HELZ: variants seen among roughly 807,000 people sequenced by gnomAD.
HELZ encodes helicase with zinc finger, also known as ATP-dependent RNA helicase with zinc finger domain.
HELZ carries 23 observed loss-of-function variants against 218.2 expected under a neutral mutation model. That is an observed-to-expected ratio of 0.11 (90% CI 0.08 to 0.15). The LOEUF is 0.15. Ranked by LOEUF, HELZ falls within the 10% of genes least tolerant of loss-of-function variation. The pLI is 1.00. For missense variants in HELZ, 1,813 were observed against 2,353.7 expected, an observed-to-expected ratio of 0.77 and a Z score of 4.75; for synonymous variants, 814 against 829.4, an observed-to-expected ratio of 0.98 and a Z score of 0.32.
chr17:67,244,930 G>C, intron 1 of HELZ: 4 of 986,074 alleles, frequency 4.1e-6, no homozygotes, highest in Non-Finnish European at 4.8e-6. Flanking sequence ...AGGGGACTAA[G>C]TAGGGGAAGA....
chr17:67,195,494 T>A (rs775840363), intron 7 of HELZ, 24 bp from the exon 8 acceptor site: 1 of 1,463,560 alleles, frequency 6.8e-7, no homozygotes, highest in Admixed American at 1.7e-5. Context: ...AATGAAAGAA[T>A]TTTTTAAACA....
chr17:67,182,103 T>C (rs1369703914), intron 12 of HELZ, among the ~76,000 whole-genome samples: 1 of 152,166 alleles, frequency 6.6e-6, no homozygotes, highest in East Asian at 1.9e-4. Context: ...ATCCTTGGCA[T>C]GCGTTTTCTT....
chr17:67,201,587 A>T (rs1743868760), intron 6 of HELZ, among the ~76,000 whole-genome samples: 2 of 152,214 alleles, frequency 1.3e-5, no homozygotes, highest in South Asian at 4.1e-4. Context: ...GCCATGATTC[A>T]GGAAGATTCA....
At chr17:67,097,605 G>A (rs1309220596) in intron 31 of HELZ, among the ~76,000 whole-genome samples, 1 of 152,132 alleles carries the variant, frequency 6.6e-6, no homozygotes, top group Non-Finnish European at 1.5e-5. Flanking sequence ...ATACCAGAAC[G>A]AATACAATAT....
chr17:67,088,765 T>C (rs1030602975), intron 31 of HELZ, among the ~76,000 whole-genome samples: 11 of 152,236 alleles, frequency 7.2e-5, no homozygotes, highest in African/African-American at 2.4e-4. Context: ...TTAAAGGCAA[T>C]TGTTTTCAAT....
At chr17:67,192,489 T>A (rs1047360152) in intron 9 of HELZ, among the ~76,000 whole-genome samples, 3 of 152,190 alleles carry the variant, frequency 2.0e-5, no homozygotes, top group Non-Finnish European at 4.4e-5. Context: ...TCATTTTATG[T>A]TTCTTTTCAA....
chr17:67,074,141 AT>A lies in HELZ; in HGVS notation c.*4110del, dbSNP rs1180584458. On this transcript the variant is annotated 3_prime_UTR_variant, in exon 33 of 33. Transcript: ENST00000358691. ...TATACCTTGAGATTCAGGAAGACAT[AT>A]AGCGCGGCAGTAGAAATTAAGGATT... 6.6e-6 allele frequency: 1 copy of A among 152,192 alleles called. No individual in the cohort carries two copies. The highest frequency in any genetic ancestry group is 1.5e-5 in the Non-Finnish European group (1 of 68,016). 9.4% of individuals were successfully genotyped at this position (152,192 alleles called of 1,614,324 possible).
chr17:67,103,261 A>T (rs1000081050), intron 31 of HELZ, among the ~76,000 whole-genome samples: 1 of 152,200 alleles, frequency 6.6e-6, no homozygotes, highest in African/African-American at 2.4e-5. Flanking sequence ...AAAACAATCA[A>T]GAATTAAGCA....
intron 17 of HELZ, 48 bp downstream of exon 17, chr17:67,160,213 G>A: frequency 8.9e-7 from 1 of 1,125,094 alleles, no homozygotes; most frequent in Non-Finnish European, 1.3e-6. Context: ...CTTTTCTTAA[G>A]AATAATAAAG....
chr17:67,098,944 C>T (rs2036836990), intron 31 of HELZ, among the ~76,000 whole-genome samples: 1 of 151,976 alleles, frequency 6.6e-6, no homozygotes, highest in Admixed American at 6.5e-5. Context: ...TCCTTTTTTC[C>T]TCTGCCAGAG....
chr17:67,196,968 C>T (rs551454974), intron 7 of HELZ, among the ~76,000 whole-genome samples: 2 of 152,268 alleles, frequency 1.3e-5, no homozygotes, highest in East Asian at 3.9e-4. Flanking sequence ...CCCTCATTAC[C>T]GCTTGTCTCA....
chr17:67,122,911 C>T, intron 26 of HELZ, 59 bp downstream of exon 26: 2 of 1,280,734 alleles, frequency 1.6e-6, no homozygotes, highest in Non-Finnish European at 2.2e-6. Flanking sequence ...GGATTAGAAC[C>T]ATTTTAGTGA....
At chr17:67,208,332 A>T (rs2040359286) in intron 5 of HELZ, among the ~76,000 whole-genome samples, 1 of 152,172 alleles carries the variant, frequency 6.6e-6, no homozygotes. Flanking sequence ...TCTGTATCTT[A>T]ATTGTATTCG....
chr17:67,075,405 T>C lies in HELZ; in HGVS notation c.*2847A>G, dbSNP rs1404420565. The C allele has an allele frequency of 1.7e-4, 26 of 152,168 alleles. No homozygotes were observed. The highest frequency in any genetic ancestry group is 6.5e-5 in the Admixed American group (1 of 15,276). The allele number at this position is 152,168 out of a possible 1,614,324, so 9.4% of individuals were successfully genotyped here. Reference sequence around the variant, plus strand: ...AATACTTGGTATTATCTGAGAGCTATCATCAAGTTTTCTGGAAAAAAATTT... The same window carrying C: ...AATACTTGGTATTATCTGAGAGCTACCATCAAGTTTTCTGGAAAAAAATTT... On this transcript the variant is annotated 3_prime_UTR_variant, in exon 33 of 33. Coordinates refer to ENST00000358691, the MANE Select transcript of HELZ (RefSeq NM_014877.4).
In HELZ at chr17:67,120,419, T is replaced by C; in HGVS notation, c.3824A>G (p.Glu1275Gly). The C allele has an allele frequency of 6.2e-7, 1 of 1,613,970 alleles. No homozygotes were observed. Among genetic ancestry groups the C allele is most frequent in the South Asian group, 1.1e-5 (1 of 91,078 alleles). Reference protein sequence around the residue: ...QNQHQEKDQHEQNRNGKSDTN... With the variant: ...QNQHQEKDQHGQNRNGKSDTN... ...GTACAACTTACCATTTCGATTTTGC[T>C]CATGTTGATCCTTCTCCTGATGCTG... Residue 1275 changes from glutamate (E) to glycine (G), a missense_variant, in exon 27 of 33, where the codon GAG becomes GGG. Around this residue, in one of 4 missense-constraint regions of HELZ, gnomAD observed 938 missense variants for 1,027.5 expected, o/e 0.91. Transcript: ENST00000358691.
At chr17:67,116,182 T>A (rs2037419405) in intron 27 of HELZ, among the ~76,000 whole-genome samples, 1 of 150,846 alleles carries the variant, frequency 6.6e-6, no homozygotes, top group Non-Finnish European at 1.5e-5. Flanking sequence ...TTGTCACTGA[T>A]AAGCCAATGG....
intron 17 of HELZ, among the ~76,000 whole-genome samples, 174 bp from the exon 18 acceptor site, chr17:67,151,398 CCA>C (rs751305083): frequency 1.7e-4 from 26 of 152,254 alleles, no homozygotes; most frequent in Non-Finnish European, 3.2e-4. Flanking sequence ...GCCACTATAA[CCA>C]CTGTGACTCT....
At chr17:67,181,693 G>A (rs1172407489) in intron 12 of HELZ, among the ~76,000 whole-genome samples, 4 of 150,772 alleles carry the variant, frequency 2.7e-5, no homozygotes, top group Non-Finnish European at 5.9e-5. Flanking sequence ...GAAAACTAGG[G>A]GAGCAAAAAG....
chr17:67,148,177 G>A (rs1313228875), intron 20 of HELZ, among the ~76,000 whole-genome samples: 1 of 152,176 alleles, frequency 6.6e-6, no homozygotes, highest in Non-Finnish European at 1.5e-5. Context: ...CCCTCAACCT[G>A]TGGGATTGGA....
Sources: gnomAD v4.1 joint callset for allele counts (sites outside exome capture counted in the v4.1 genomes callset) on GRCh38, gnomAD v4.1.1 for gene constraint, gnomAD v4.1.1 regional missense constraint, MANE v1.5 for transcripts, NCBI Gene and HGNC (gene_info 2026-07-23, HGNC 2026-07-21) for gene names.